Variants in CAND1 observed in about 807,000 individuals in gnomAD.
CAND1 encodes the protein cullin associated and neddylation dissociated 1.
A neutral mutation model predicts 108.5 loss-of-function variants in CAND1; 7 were observed. The observed-to-expected ratio is 0.06, with a 90% CI of 0.04 to 0.12. The LOEUF is 0.12. Ranked by LOEUF, CAND1 falls within the 10% of genes least tolerant of loss-of-function variation. The pLI is 1.00. For synonymous variants in CAND1, 534 were observed against 512.0 expected, an observed-to-expected ratio of 1.04 and a Z score of -0.58; for missense variants, 941 against 1,448.7, an observed-to-expected ratio of 0.65 and a Z score of 5.69.
chr12:67,309,205 C>T (rs934256187), intron 11 of CAND1, among the ~76,000 whole-genome samples: 4 of 151,934 alleles, frequency 2.6e-5, no homozygotes, highest in South Asian at 2.1e-4. Context: ...TGATTTGAAC[C>T]ACCAACCATG....
rs1368488801 is a variant in CAND1 at position 67,318,204 on chromosome 12, G to A, written c.*5374G>A. 1.3e-5 allele frequency: 2 copies of A among 152,324 alleles called. No homozygotes were observed. Among genetic ancestry groups the A allele is most frequent in the African/African-American group, 4.8e-5 (2 of 41,426 alleles). 9.4% of individuals were successfully genotyped at this position (152,324 alleles called of 1,614,324 possible). Reference sequence around the variant, plus strand: ...AGGCAGGGGAATTGCTTGAACCTGGGAGGTGGAGGTTGCAGTGACCCAAGA... The same window carrying A: ...AGGCAGGGGAATTGCTTGAACCTGGAAGGTGGAGGTTGCAGTGACCCAAGA... On this transcript the variant is annotated 3_prime_UTR_variant, in exon 15 of 15. Transcript: ENST00000545606.
At chr12:67,311,554 T>A (rs2136023289) in intron 13 of CAND1, 139 bp from the exon 14 acceptor site, 2 of 190,686 alleles carry the variant, frequency 1.0e-5, no homozygotes, top group South Asian at 3.3e-5. Context: ...ATCTGTCTGA[T>A]TCTGATTGGC....
At chr12:67,306,657 G>C (rs1393198449) in intron 10 of CAND1, 60 bp downstream of exon 10, 1 of 1,287,486 alleles carries the variant, frequency 7.8e-7, no homozygotes, top group Non-Finnish European at 1.1e-6. Context: ...TGCCTTAAAA[G>C]ACACCTAATA....
Position 67,304,687 on chromosome 12 carries a change from C to A in CAND1, c.1376C>A (p.Thr459Asn). The A allele has an allele frequency of 6.2e-7, 1 of 1,613,912 alleles. No individual in the cohort carries two copies. Among genetic ancestry groups the A allele is most frequent in the Non-Finnish European group, 8.5e-7 (1 of 1,179,906 alleles). The change falls in exon 9 of 15, where the codon ACT becomes AAT. Residue 459 changes from threonine (T) to asparagine (N), a missense_variant. By Grantham distance (65) the Thr-to-Asn change is moderately conservative. Coordinates refer to ENST00000545606, the MANE Select transcript of CAND1 (RefSeq NM_018448.5). ...CGACAGTGTTGTTTTAACATGTTAA[C>A]TGAGCTGGTAAATGTATTACCTGGG... Reference protein sequence around the residue: ...KTRQCCFNMLTELVNVLPGAL... With the variant: ...KTRQCCFNMLNELVNVLPGAL...
intron 7 of CAND1, 147 bp downstream of exon 7, chr12:67,299,242 A>T: frequency 1.4e-6 from 1 of 716,084 alleles, no homozygotes; most frequent in Non-Finnish European, 2.2e-6. Flanking sequence ...CAGCAAATTA[A>T]GTTAGAGGGC....
At position 67,299,093 on chromosome 12, in the gene CAND1, A is replaced by G; in HGVS notation, c.998A>G (p.Gln333Arg). The change falls in exon 7 of 15, where the codon CAA becomes CGA. Residue 333 changes from glutamine to arginine, a missense_variant and splice_region_variant. Physicochemically the swap from Gln to Arg is conservative, Grantham distance 43. Transcript: ENST00000545606. ...GCTGATGGTGGTGATGATGATGATC[A>G]AGGTATTGCAAATTAAATAGAATCT... is the stretch of plus-strand genomic sequence containing the variant. ...MDADGGDDDD[Q>R]GSDDEYSDDD... is the part of the protein sequence containing the mutation. 2 of 1,520,222 alleles carry G rather than the reference A, an allele frequency of 1.3e-6. No homozygotes were observed. Among genetic ancestry groups the G allele is most frequent in the South Asian group, 2.4e-5 (2 of 82,404 alleles). 94.2% of individuals were successfully genotyped at this position (1,520,222 alleles called of 1,614,324 possible).
rs142678456 is a variant in CAND1 at position 67,290,657 on chromosome 12, G to T, written c.213-1965G>T. ...TGCCTTCATTTCATAAATAGTTATG[G>T]AGTTCCTTAGTTCATCAACCAGATG... On this transcript the variant is annotated intron_variant, in intron 2 of 14. Coordinates refer to ENST00000545606, the MANE Select transcript of CAND1 (RefSeq NM_018448.5). 1.5e-3 allele frequency among the ~76,000 whole-genome samples: 226 copies of T among 152,174 alleles called. 2 individuals are homozygous for T. The East Asian group carries it at 0.024, about 16-fold the overall frequency.
At chr12:67,296,890 C>T (rs1422236368) in intron 4 of CAND1, among the ~76,000 whole-genome samples, 1 of 152,020 alleles carries the variant, frequency 6.6e-6, no homozygotes, top group Non-Finnish European at 1.5e-5. Flanking sequence ...CTCAATTTAC[C>T]AGGCTCAGGT....
rs886509856 is a variant in CAND1, at chr12:67,269,650, G to A, written c.-68G>A. 6 of 1,400,892 alleles carry A rather than the reference G, an allele frequency of 4.3e-6. 1 individual carries two copies. The Admixed American group carries it at 1.1e-4, about 26-fold the overall frequency. The allele number at this position is 1,400,892 out of a possible 1,614,324, so 86.8% of individuals were successfully genotyped here. A position where few individuals can be genotyped will look rare whatever the true frequency, so the allele number is the denominator to read the frequency against. On this transcript the variant is annotated 5_prime_UTR_variant, in exon 1 of 15. Transcript: ENST00000545606. The stretch of plus-strand genomic sequence containing the variant: ...CGAGAGGAGGAGCTCCAGTGGCGGC[G>A]GCGGCGGCGGCAGCGGCAGCGGGCA...
intron 2 of CAND1, among the ~76,000 whole-genome samples, chr12:67,284,400 C>T (rs2044648880): frequency 6.6e-6 from 1 of 151,988 alleles, no homozygotes; most frequent in South Asian, 2.1e-4. Context: ...GTATTATATG[C>T]TTTATTAATA....
chr12:67,293,152 G>A (rs11836317), intron 3 of CAND1: 12,732 of 209,884 alleles, frequency 0.061, 467 homozygotes, highest in African/African-American at 0.093. Context: ...TTTACTTTGC[G>A]TCAGTATTTG....
intron 2 of CAND1, among the ~76,000 whole-genome samples, chr12:67,289,514 G>A (rs1426646238): frequency 6.6e-6 from 1 of 152,194 alleles, no homozygotes; most frequent in East Asian, 1.9e-4. Flanking sequence ...AGCCTCCTGA[G>A]TAGCTGGGAC....
chr12:67,312,563 C>T, intron 14 of CAND1, 43 bp from the exon 15 acceptor site: 1 of 1,354,936 alleles, frequency 7.4e-7, no homozygotes, highest in South Asian at 1.4e-5. Flanking sequence ...CATGTAAGAG[C>T]TGTCTTTTAT....
intron 1 of CAND1, among the ~76,000 whole-genome samples, chr12:67,281,666 G>A (rs929926433): frequency 9.2e-5 from 14 of 152,096 alleles, no homozygotes; most frequent in Admixed American, 6.5e-5. Flanking sequence ...TCATATAAAA[G>A]CATATCAGTA....
At chr12:67,270,034 C>T in intron 1 of CAND1, 1 of 485,424 alleles carries the variant, frequency 2.1e-6, no homozygotes, top group Non-Finnish European at 3.6e-6. Flanking sequence ...GTTTGCTTGT[C>T]TCAGCGCCCC....
At chr12:67,287,030 T>C (rs2135999957) in intron 2 of CAND1, among the ~76,000 whole-genome samples, 1 of 152,340 alleles carries the variant, frequency 6.6e-6, no homozygotes, top group Admixed American at 6.5e-5. Flanking sequence ...CTTATACCAG[T>C]ACAACAGTTG....
At chr12:67,274,669 C>T (rs1003934266) in intron 1 of CAND1, among the ~76,000 whole-genome samples, 1 of 152,148 alleles carries the variant, frequency 6.6e-6, no homozygotes, top group Non-Finnish European at 1.5e-5. Flanking sequence ...TGTTTAAATA[C>T]CACTTGATAG....
intron 2 of CAND1, among the ~76,000 whole-genome samples, chr12:67,289,466 G>T (rs549047716): frequency 1.3e-5 from 2 of 152,216 alleles, no homozygotes; most frequent in East Asian, 3.9e-4. Context: ...ATGGCTCACT[G>T]CAGCCTTGAC....
Position 67,312,886 on chromosome 12 carries a change from A to G in CAND1, c.*56A>G. On this transcript the variant is annotated 3_prime_UTR_variant, in exon 15 of 15. Transcript: ENST00000545606. Reference sequence around the variant, plus strand: ...TGACCATACAATGCACTGAATTGACAGGTTAATCATAAGACATGGAAAGAG... The same window carrying G: ...TGACCATACAATGCACTGAATTGACGGGTTAATCATAAGACATGGAAAGAG... 8.9e-7 allele frequency: 1 copy of G among 1,119,538 alleles called. No individual in the cohort carries two copies. Among genetic ancestry groups the G allele is most frequent in the East Asian group, 2.4e-5 (1 of 40,852 alleles). 69.4% of individuals were successfully genotyped at this position (1,119,538 alleles called of 1,614,324 possible).
Sources: gnomAD v4.1 joint callset for allele counts (sites outside exome capture counted in the v4.1 genomes callset) on GRCh38, gnomAD v4.1.1 for gene constraint, MANE v1.5 for transcripts, NCBI Gene and HGNC (gene_info 2026-07-23, HGNC 2026-07-21) for gene names.